KANK1: variants seen among roughly 807,000 people sequenced by gnomAD.
KANK1 encodes the protein KN motif and ankyrin repeat domains 1, also known as KN motif and ankyrin repeat domain-containing protein 1.
In KANK1, 109 loss-of-function variants were observed where a neutral mutation model predicts 106.2. That is an observed-to-expected ratio of 1.03 (90% CI 0.88 to 1.20). KANK1 has a LOEUF of 1.20. Among genes scored for constraint, KANK1 ranks in the 50% most tolerant of loss-of-function variants. The probability of loss-of-function intolerance (pLI) is 0.00; values close to 1 mark genes in which losing one functional copy is unlikely to be tolerated. For synonymous variants in KANK1, 873 were observed against 652.2 expected (o/e 1.34, Z -5.16); for missense variants, 2,399 against 1,710.7 (o/e 1.40, Z -7.10).
At chr9:743,113 T>G (rs1196092025) in intron 10 of KANK1, among the ~76,000 whole-genome samples, 1 of 152,136 alleles carries the variant, frequency 6.6e-6, no homozygotes, top group African/African-American at 2.4e-5. Context: ...ATGTAGGCAG[T>G]GAGATGGTGT....
chr9:593,730 G>A (rs1487723898), intron 1 of KANK1, among the ~76,000 whole-genome samples: 2 of 151,766 alleles, frequency 1.3e-5, no homozygotes, highest in South Asian at 2.1e-4. Flanking sequence ...TCCATCCCAC[G>A]ACAGAGGAAG....
At chr9:666,135 T>C (rs939243832) in intron 1 of KANK1, among the ~76,000 whole-genome samples, 1 of 152,094 alleles carries the variant, frequency 6.6e-6, no homozygotes, top group African/African-American at 2.4e-5. Context: ...GCTCACTGCA[T>C]TGGTGACAGA....
rs1323437330 is a variant in KANK1 at position 712,585 on chromosome 9, G to C, written c.1819G>C (p.Glu607Gln). 1.9e-6 allele frequency: 3 copies of C among 1,613,932 alleles called. No individual in the cohort carries two copies. The highest frequency in any genetic ancestry group is 2.5e-6 in the Non-Finnish European group (3 of 1,179,790). The change falls in exon 3 of 12, where the codon GAG becomes CAG. Residue 607 changes from glutamate to glutamine, a missense_variant. Coordinates refer to ENST00000382297, the MANE Select transcript of KANK1 (RefSeq NM_015158.5). ...VSVCETGSNT[E>Q]ESVNDLTLLK... ...CGTCTGCGAAACAGGCAGCAACACAGAGGAGTCTGTGAACGACCTCACACT... is the reference window on the plus strand; with the variant it reads ...CGTCTGCGAAACAGGCAGCAACACACAGGAGTCTGTGAACGACCTCACACT...
At chr9:633,924 T>G (rs1402874414) in intron 1 of KANK1, among the ~76,000 whole-genome samples, 1 of 152,254 alleles carries the variant, frequency 6.6e-6, no homozygotes, top group Non-Finnish European at 1.5e-5. Context: ...GTGCTGGGAT[T>G]ATAGGCATGA....
At chr9:605,804 G>A (rs1828962040) in intron 1 of KANK1, among the ~76,000 whole-genome samples, 3 of 151,688 alleles carry the variant, frequency 2.0e-5, no homozygotes, top group Non-Finnish European at 4.4e-5. Context: ...ATGGGGAAAT[G>A]AACAGAGAGC....
chr9:621,929 G>A (rs1424776444), intron 1 of KANK1, among the ~76,000 whole-genome samples: 1 of 152,168 alleles, frequency 6.6e-6, no homozygotes, highest in Non-Finnish European at 1.5e-5. Context: ...GTTCTGGGGA[G>A]CCCTGGTGCT....
At chr9:606,966 C>T (rs1294948276) in intron 1 of KANK1, among the ~76,000 whole-genome samples, 1 of 143,742 alleles carries the variant, frequency 7.0e-6, no homozygotes, top group African/African-American at 2.6e-5. Flanking sequence ...AGTGTAGTTG[C>T]CCGTTCACAT....
At chr9:546,642 A>G (rs1259266447) in intron 1 of KANK1, among the ~76,000 whole-genome samples, 1 of 151,824 alleles carries the variant, frequency 6.6e-6, no homozygotes, top group Non-Finnish European at 1.5e-5. Flanking sequence ...TTATGTAGCC[A>G]TTTTCACTAT....
chr9:538,867 T>G (rs776071576), intron 1 of KANK1, among the ~76,000 whole-genome samples: 7 of 152,168 alleles, frequency 4.6e-5, no homozygotes, highest in African/African-American at 9.7e-5. Flanking sequence ...GTTTGAAAAT[T>G]TTCCAGCTTT....
chr9:541,199 C>T (rs543458637), intron 1 of KANK1, among the ~76,000 whole-genome samples: 7 of 151,988 alleles, frequency 4.6e-5, no homozygotes, highest in Non-Finnish European at 4.4e-5. Context: ...AAGCTGTCAT[C>T]AAAACAGCAT....
In KANK1 at chr9:475,863, T is replaced by A. The variant is rs532644931; in HGVS notation, c.-362+2590T>A. Among the ~76,000 whole-genome samples the A allele has an allele frequency of 3.0e-4, 45 of 152,096 alleles. 2 individuals are homozygous for A. In the South Asian group the frequency reaches 9.0e-3, roughly 30 times the overall value. On this transcript the variant is annotated intron_variant, in intron 3 of 15. Transcript: ENST00000382303. ...TTTTTAAAATTATTTATTTATTTAT[T>A]TATTTTTGAAACAGAGTCTCACTCT... is the stretch of plus-strand genomic sequence containing the variant.
At chr9:595,403 C>T (rs1045937564) in intron 1 of KANK1, among the ~76,000 whole-genome samples, 1 of 151,936 alleles carries the variant, frequency 6.6e-6, no homozygotes. Context: ...ATTGCAGGAG[C>T]ACTTCAGCTC....
At chr9:603,032 G>C (rs1162465746) in intron 1 of KANK1, among the ~76,000 whole-genome samples, 1 of 151,822 alleles carries the variant, frequency 6.6e-6, no homozygotes, top group Admixed American at 6.6e-5. Flanking sequence ...CTACTTCAGA[G>C]CTCATTTGTG....
At chr9:611,978 A>G (rs1830669844) in intron 1 of KANK1, among the ~76,000 whole-genome samples, 1 of 152,184 alleles carries the variant, frequency 6.6e-6, no homozygotes, top group Admixed American at 6.5e-5. Flanking sequence ...TCGGCCTCCC[A>G]GGGTGCTGGG....
chr9:615,012 C>G lies in KANK1; in HGVS notation c.-83-61878C>G, dbSNP rs1157402771. 6.6e-5 allele frequency among the ~76,000 whole-genome samples: 10 copies of G among 151,208 alleles called. No individual in the cohort carries two copies. In the East Asian group the frequency reaches 2.0e-3, roughly 30 times the overall value. ...CTGGAGTGCAGTGATGCAATCATGGCTCACTGCAGCCTCCGTTTCCTGGGC... is the reference window on the plus strand; with the variant it reads ...CTGGAGTGCAGTGATGCAATCATGGGTCACTGCAGCCTCCGTTTCCTGGGC... On this transcript the variant is annotated intron_variant, in intron 1 of 11. Coordinates refer to ENST00000382297, the MANE Select transcript of KANK1 (RefSeq NM_015158.5).
chr9:719,156 A>G (rs1828610209), intron 3 of KANK1, among the ~76,000 whole-genome samples: 1 of 151,726 alleles, frequency 6.6e-6, no homozygotes, highest in Admixed American at 6.6e-5. Flanking sequence ...TTTAGTAGAG[A>G]CGGGGTTTAA....
chr9:490,577 A>G (rs1487169614), intron 3 of KANK1, among the ~76,000 whole-genome samples: 1 of 152,232 alleles, frequency 6.6e-6, no homozygotes, highest in Non-Finnish European at 1.5e-5. Context: ...TTAAAAAATT[A>G]TCTCCAGAAA....
At chr9:544,050 A>G (rs1195637038) in intron 1 of KANK1, among the ~76,000 whole-genome samples, 6 of 151,310 alleles carry the variant, frequency 4.0e-5, no homozygotes, top group Non-Finnish European at 7.4e-5. Context: ...TTTTGAGACA[A>G]TGTTCTGTTG....
chr9:490,076 G>A (rs150504380), intron 3 of KANK1, among the ~76,000 whole-genome samples: 1 of 152,310 alleles, frequency 6.6e-6, no homozygotes, highest in Non-Finnish European at 1.5e-5. Flanking sequence ...ACTCTCTGGG[G>A]AAATAGGCTA....
Sources: gnomAD v4.1 joint callset for allele counts (sites outside exome capture counted in the v4.1 genomes callset) on GRCh38, gnomAD v4.1.1 for gene constraint, MANE v1.5 for transcripts, NCBI Gene and HGNC (gene_info 2026-07-23, HGNC 2026-07-21) for gene names.